Variants in GALNT13 observed in about 807,000 individuals in gnomAD.
GALNT13 encodes the protein polypeptide N-acetylgalactosaminyltransferase 13, also known as UDP-GalNAc:polypeptide N-acetylgalactosaminyltransferase 13.
In GALNT13, 28 loss-of-function variants were observed where a neutral mutation model predicts 64.2. The observed-to-expected ratio is 0.44, with a 90% CI of 0.32 to 0.60. The LOEUF (loss-of-function observed/expected upper bound fraction) is 0.60, where lower values mean the gene tolerates loss of function less well. Ranked by LOEUF, GALNT13 falls within the 20% of genes least tolerant of loss-of-function variation. The pLI is 0.05. For synonymous variants in GALNT13, 214 were observed against 224.6 expected, an observed-to-expected ratio of 0.95 and a Z score of 0.42; for missense variants, 577 against 669.8, an observed-to-expected ratio of 0.86 and a Z score of 1.53.
the GALNT13 span, among the ~76,000 whole-genome samples, chr2:153,320,797 A>G: frequency 6.6e-5 from 10 of 152,210 alleles, no homozygotes; most frequent in African/African-American, 2.4e-4. Context: ...CAGCTGAAAG[A>G]TAAAAGAGAA....
chr2:153,611,109 G>A, the GALNT13 span, among the ~76,000 whole-genome samples: 1 of 152,120 alleles, frequency 6.6e-6, no homozygotes, highest in Non-Finnish European at 1.5e-5. Context: ...GAGACAACTG[G>A]CTAACCATTT....
At chr2:153,656,565 A>C in the GALNT13 span, among the ~76,000 whole-genome samples, 1 of 152,150 alleles carries the variant, frequency 6.6e-6, no homozygotes, top group South Asian at 2.1e-4. Flanking sequence ...AAAAGAAAAA[A>C]GGAAACATTT....
the GALNT13 span, among the ~76,000 whole-genome samples, chr2:153,397,995 A>G: frequency 5.3e-5 from 8 of 152,032 alleles, no homozygotes; most frequent in Non-Finnish European, 1.0e-4. Context: ...ATATGTATAC[A>G]TGTGCCATGC....
At chr2:153,356,789 C>CTTTTTTTTTTTTTTTTTTTTTTTTTTT in the GALNT13 span, among the ~76,000 whole-genome samples, 2 of 104,904 alleles carry the variant, frequency 1.9e-5, 1 homozygote, top group Non-Finnish European at 3.7e-5. Context: ...TCTTCTTCCT[C>CTTTTTTTTTTTTTTTTTTTTTTTTTTT]TTTTTTTTTT....
chr2:154,122,883 G>A (rs575845927), intron 3 of GALNT13, among the ~76,000 whole-genome samples: 2 of 148,594 alleles, frequency 1.3e-5, no homozygotes, highest in East Asian at 3.0e-4. Flanking sequence ...TAGTCACTTC[G>A]TATTCAAACT....
At chr2:154,040,798 A>AG (rs1698930911) in intron 3 of GALNT13, among the ~76,000 whole-genome samples, 1 of 140,562 alleles carries the variant, frequency 7.1e-6, no homozygotes, top group African/African-American at 2.4e-5. Context: ...AGCAAGATAC[A>AG]GAAAAAAGTT....
the GALNT13 span, among the ~76,000 whole-genome samples, chr2:153,627,150 C>A: frequency 6.6e-6 from 1 of 151,992 alleles, no homozygotes; most frequent in Non-Finnish European, 1.5e-5. Flanking sequence ...AGGGACAAGC[C>A]TGATCATAAA....
the GALNT13 span, among the ~76,000 whole-genome samples, chr2:153,522,072 T>C: frequency 1.3e-5 from 2 of 152,134 alleles, no homozygotes; most frequent in African/African-American, 4.8e-5. Context: ...GAGCACATCA[T>C]GCCTGTAATC....
the GALNT13 span, among the ~76,000 whole-genome samples, chr2:153,675,609 G>C: frequency 6.6e-6 from 1 of 152,054 alleles, no homozygotes; most frequent in Admixed American, 6.6e-5. Flanking sequence ...GAGTTGATGG[G>C]TGCAGCAAAC....
chr2:153,220,573 T>G, the GALNT13 span, among the ~76,000 whole-genome samples: 5 of 152,126 alleles, frequency 3.3e-5, no homozygotes, highest in Admixed American at 2.6e-4. Flanking sequence ...AGGAAAGGGG[T>G]GCAAGATGCT....
chr2:153,811,461 A>G, the GALNT13 span, among the ~76,000 whole-genome samples: 1 of 152,150 alleles, frequency 6.6e-6, no homozygotes, highest in Non-Finnish European at 1.5e-5. Context: ...TATTGACTTT[A>G]TCTTCATTTC....
At chr2:153,552,582 T>A in the GALNT13 span, among the ~76,000 whole-genome samples, 1 of 140,948 alleles carries the variant, frequency 7.1e-6, no homozygotes, top group Non-Finnish European at 1.5e-5. Flanking sequence ...CTTCTTTTTT[T>A]TTTTTTTTTT....
intron 7 of GALNT13, among the ~76,000 whole-genome samples, chr2:154,258,744 G>A (rs1038732799): frequency 1.3e-5 from 2 of 151,258 alleles, no homozygotes; most frequent in Non-Finnish European, 2.9e-5. Context: ...ATTTTCAGAG[G>A]GAATATAGAA....
chr2:154,207,863 T>G (rs1687547973), intron 4 of GALNT13, among the ~76,000 whole-genome samples: 1 of 152,170 alleles, frequency 6.6e-6, no homozygotes, highest in African/African-American at 2.4e-5. Flanking sequence ...TCATTGCAAG[T>G]TCCCTCAGAG....
intron 9 of GALNT13, among the ~76,000 whole-genome samples, chr2:154,392,227 A>C (rs1221023223): frequency 6.6e-6 from 1 of 152,192 alleles, no homozygotes; most frequent in Non-Finnish European, 1.5e-5. Flanking sequence ...GAAGGCTTTA[A>C]TAGGTTGCTG....
chr2:153,632,089 C>T, the GALNT13 span, among the ~76,000 whole-genome samples: 7 of 152,102 alleles, frequency 4.6e-5, no homozygotes, highest in Non-Finnish European at 8.8e-5. Flanking sequence ...AATCTGAATC[C>T]TCTCCCAAGT....
At chr2:154,272,585 A>T (rs76067917) in intron 8 of GALNT13, among the ~76,000 whole-genome samples, 6,346 of 152,186 alleles carry the variant, frequency 0.042, 188 homozygotes, top group Non-Finnish European at 0.058. Flanking sequence ...GGCAATAAAA[A>T]CAGCTATATG....
At chr2:154,120,049 T>G (rs1421213538) in intron 3 of GALNT13, among the ~76,000 whole-genome samples, 1 of 152,158 alleles carries the variant, frequency 6.6e-6, no homozygotes, top group Non-Finnish European at 1.5e-5. Context: ...GACTTCCCTC[T>G]CTTTTGTTTT....
chr2:153,673,503 C>A, the GALNT13 span, among the ~76,000 whole-genome samples: 2 of 152,134 alleles, frequency 1.3e-5, no homozygotes, highest in African/African-American at 2.4e-5. Context: ...TGTCAAAATA[C>A]AACAGCCTTT....
Sources: allele counts gnomAD v4.1 joint callset (sites outside exome capture counted in the v4.1 genomes callset), GRCh38; gene constraint gnomAD v4.1.1; transcripts MANE v1.5; gene names NCBI Gene and HGNC (gene_info 2026-07-23, HGNC 2026-07-21).